Variants in HIP1 observed in about 807,000 individuals in gnomAD.
HIP1 encodes huntingtin interacting protein 1, also known as huntingtin-interacting protein 1.
Under a neutral mutation model 147.6 loss-of-function variants are expected in HIP1, and 65 were observed. That is an observed-to-expected ratio of 0.44 (90% confidence interval 0.36 to 0.54). The LOEUF (loss-of-function observed/expected upper bound fraction) is 0.54, where lower values mean the gene tolerates loss of function less well. Ranked by LOEUF, HIP1 falls within the 20% of genes least tolerant of loss-of-function variation. HIP1 has a pLI of 0.00. For synonymous variants in HIP1, 479 were observed against 504.0 expected, an observed-to-expected ratio of 0.95 and a Z score of 0.67; for missense variants, 1,061 against 1,299.6, an observed-to-expected ratio of 0.82 and a Z score of 2.82.
intron 2 of HIP1, among the ~76,000 whole-genome samples, chr7:75,594,095 A>C (rs1554501284): frequency 6.6e-6 from 1 of 152,078 alleles, no homozygotes; most frequent in Admixed American, 6.6e-5. Context: ...AGCCTGACCA[A>C]TGTGGTGAAA....
rs587752395 is a variant in HIP1 at position 75,612,053 on chromosome 7, G to C, written c.121-12806C>G. 1.2e-3 allele frequency among the ~76,000 whole-genome samples: 181 copies of C among 152,370 alleles called. No individual in the cohort carries two copies. The Middle Eastern group carries it at 0.017, about 14-fold the overall frequency. ...CACATACACACAGCTCTTGGCAGAA[G>C]CCCAGCCCTCGGGCTGCCAAGGCCA... On this transcript the variant is annotated intron_variant, in intron 1 of 30. Coordinates refer to ENST00000336926, the MANE Select transcript of HIP1 (RefSeq NM_005338.7).
chr7:75,697,694 C>T (rs1225403244), intron 1 of HIP1, among the ~76,000 whole-genome samples: 7 of 152,280 alleles, frequency 4.6e-5, no homozygotes, highest in Admixed American at 2.0e-4. Flanking sequence ...CAACTGTAAT[C>T]CCAGCTATTT....
chr7:75,564,477 A>G lies in HIP1; in HGVS notation c.804-1214T>C, dbSNP rs782370597. Reference sequence around the variant, plus strand: ...GCCTGGGTAATTTTGTATCTTTAGTAGAGATGGGGTTTCTCCATGTTGGTC... The same window carrying G: ...GCCTGGGTAATTTTGTATCTTTAGTGGAGATGGGGTTTCTCCATGTTGGTC... On this transcript the variant is annotated intron_variant, in intron 9 of 30. Coordinates refer to ENST00000336926, the MANE Select transcript of HIP1 (RefSeq NM_005338.7). Among the ~76,000 whole-genome samples the G allele has an allele frequency of 5.3e-5, 8 of 152,094 alleles. 1 individual carries two copies. Among genetic ancestry groups the G allele is most frequent in the African/African-American group, 9.7e-5 (4 of 41,410 alleles).
At chr7:75,615,814 G>A (rs782170594) in intron 1 of HIP1, among the ~76,000 whole-genome samples, 30 of 151,100 alleles carry the variant, frequency 2.0e-4, no homozygotes, top group Admixed American at 4.6e-4. Context: ...GGCCAGGCGC[G>A]GTGGCTCATG....
intron 1 of HIP1, among the ~76,000 whole-genome samples, chr7:75,648,567 C>G (rs190367457): frequency 1.6e-4 from 24 of 152,234 alleles, no homozygotes; most frequent in African/African-American, 5.3e-4. Context: ...TGATTTCAAG[C>G]ACGGCTGAGC....
intron 8 of HIP1, among the ~76,000 whole-genome samples, chr7:75,569,162 G>A (rs1261837721): frequency 6.6e-6 from 1 of 152,148 alleles, no homozygotes; most frequent in African/African-American, 2.4e-5. Context: ...TCAGATGTGC[G>A]AACCTGCATA....
chr7:75,733,158 G>A (rs1365151115), intron 1 of HIP1, among the ~76,000 whole-genome samples: 2 of 152,162 alleles, frequency 1.3e-5, no homozygotes, highest in African/African-American at 4.8e-5. Flanking sequence ...CTTGGCTGGT[G>A]GGAGGACAGT....
At position 75,562,958 on chromosome 7, in the gene HIP1, T is replaced by C; in HGVS notation, c.997A>G (p.Met333Val). The change falls in exon 11 of 31, where the codon ATG (methionine) becomes GTG (valine). Residue 333 changes from methionine to valine, a missense_variant. By Grantham distance (21) the Met-to-Val change is conservative. Around this residue, in one of 3 missense-constraint regions of HIP1, gnomAD observed 810 missense variants for 946.8 expected, o/e 0.86. Coordinates refer to ENST00000336926, the MANE Select transcript of HIP1 (RefSeq NM_005338.7). The stretch of plus-strand genomic sequence containing the variant: ...ACCTGCTGAGAGGCATCCATGTCCA[T>C]GAGGTCATCCTTCTCTAGGACTGGC... ...SEPVLEKDDL[M>V]DMDASQQNLF... 1.2e-6 allele frequency: 2 copies of C among 1,614,016 alleles called. No individual in the cohort carries two copies. Among genetic ancestry groups the C allele is most frequent in the South Asian group, 1.1e-5 (1 of 91,086 alleles).
At position 75,586,846 on chromosome 7, in the gene HIP1, G is replaced by T; in HGVS notation, c.385-13C>A. ...CGCTCAGGTGGCCCTTTTAGGAAGAGGAGGGGAAACAGAGTCAACAACAAG... is the reference window on the plus strand; with the variant it reads ...CGCTCAGGTGGCCCTTTTAGGAAGATGAGGGGAAACAGAGTCAACAACAAG... On this transcript the variant is annotated splice_polypyrimidine_tract_variant and intron_variant, in intron 4 of 30. Transcript: ENST00000336926. 6.4e-7 allele frequency: 1 copy of T among 1,574,568 alleles called. No homozygotes were observed. The highest frequency in any genetic ancestry group is 8.7e-7 in the Non-Finnish European group (1 of 1,144,866).
intron 3 of HIP1, 125 bp downstream of exon 3, chr7:75,592,247 T>C: frequency 1.4e-6 from 2 of 1,415,044 alleles, no homozygotes; most frequent in Non-Finnish European, 2.0e-6. Context: ...CCAACTCTAA[T>C]GGGGAACCCA....
At chr7:75,697,611 G>A (rs936925843) in intron 1 of HIP1, among the ~76,000 whole-genome samples, 21 of 152,060 alleles carry the variant, frequency 1.4e-4, no homozygotes, top group African/African-American at 3.6e-4. Context: ...TCAGGAGTTC[G>A]AGATCAGCCT....
intron 6 of HIP1, among the ~76,000 whole-genome samples, 169 bp downstream of exon 6, chr7:75,581,906 G>C (rs1796067014): frequency 6.6e-6 from 1 of 152,168 alleles, no homozygotes; most frequent in Non-Finnish European, 1.5e-5. Flanking sequence ...AGGGGTTCTG[G>C]ATGAGGCACC....
chr7:75,553,911 G>A (rs781872207), intron 21 of HIP1, among the ~76,000 whole-genome samples: 2 of 151,816 alleles, frequency 1.3e-5, no homozygotes, highest in African/African-American at 2.4e-5. Flanking sequence ...CTGGCCCATC[G>A]TTTTTGTATC....
At chr7:75,613,586 C>G (rs73139400) in intron 1 of HIP1, among the ~76,000 whole-genome samples, 9,858 of 152,120 alleles carry the variant, frequency 0.065, 599 homozygotes, top group Admixed American at 0.16. Flanking sequence ...CCCCTATTTT[C>G]CAAGACAAGC....
In HIP1 at chr7:75,657,262, G is replaced by A. The variant is rs1161581238; in HGVS notation, c.121-58015C>T. On this transcript the variant is annotated intron_variant, in intron 1 of 30. Coordinates refer to ENST00000336926, the MANE Select transcript of HIP1 (RefSeq NM_005338.7). ...AAGAACAATATCAGCTGGGCATGGT[G>A]GCTCACGCCTGTAATCCCAGCACTT... Among the ~76,000 whole-genome samples the A allele has an allele frequency of 2.6e-5, 4 of 152,178 alleles. 1 individual carries two copies. The highest frequency in any genetic ancestry group is 7.2e-5 in the African/African-American group (3 of 41,448).
chr7:75,636,652 T>C (rs1798437862), intron 1 of HIP1, among the ~76,000 whole-genome samples: 1 of 152,232 alleles, frequency 6.6e-6, no homozygotes. Context: ...CTGTGCTCTT[T>C]ACAAAGAGCT....
At chr7:75,687,917 T>G (rs1215017570) in intron 1 of HIP1, among the ~76,000 whole-genome samples, 1 of 152,104 alleles carries the variant, frequency 6.6e-6, no homozygotes, top group Non-Finnish European at 1.5e-5. Flanking sequence ...TTTTCACTGC[T>G]GAATTTTCTC....
chr7:75,663,832 G>T (rs146924937), intron 1 of HIP1, among the ~76,000 whole-genome samples: 66 of 151,282 alleles, frequency 4.4e-4, no homozygotes, highest in Non-Finnish European at 2.2e-4. Flanking sequence ...CTAATCAGTA[G>T]AGCAACGGTC....
chr7:75,552,431 C>A (rs1424063231), intron 22 of HIP1, among the ~76,000 whole-genome samples: 1 of 151,704 alleles, frequency 6.6e-6, no homozygotes, highest in Non-Finnish European at 1.5e-5. Context: ...CTCACTGTGG[C>A]CTCCAAATCC....
Sources: allele counts gnomAD v4.1 joint callset (sites outside exome capture counted in the v4.1 genomes callset), GRCh38; gene constraint gnomAD v4.1.1; regional missense constraint gnomAD v4.1.1; transcripts MANE v1.5; gene names NCBI Gene and HGNC (gene_info 2026-07-23, HGNC 2026-07-21).